Variants in RIMS3 observed in about 807,000 individuals in gnomAD.
The protein encoded by RIMS3 is regulating synaptic membrane exocytosis 3.
In RIMS3, 15 loss-of-function variants were observed where a neutral mutation model predicts 29.2. The observed-to-expected ratio is 0.51, with a 90% CI of 0.34 to 0.79. The LOEUF is 0.79. Ranked by LOEUF, RIMS3 falls within the 30% of genes least tolerant of loss-of-function variation. The pLI is 0.01. For synonymous variants in RIMS3, 161 were observed against 170.1 expected (o/e 0.95, Z 0.41); for missense variants, 342 against 421.4 (o/e 0.81, Z 1.65).
chr1:40,685,370 T>C, the RIMS3 span, among the ~76,000 whole-genome samples: 1 of 91,288 alleles, frequency 1.1e-5, no homozygotes, highest in African/African-American at 5.1e-5. Flanking sequence ...ATATAATATA[T>C]ATTAATATAT....
rs749651650 is a variant in RIMS3, at chr1:40,635,948, A to G, written c.327T>C (p.Asp109=). The G allele has an allele frequency of 1.8e-5, 29 of 1,612,646 alleles. No individual in the cohort carries two copies. In the African/African-American group the frequency reaches 3.6e-4, roughly 20 times the overall value. ...CGGAGCTGTTGCTGTTGGTGCTCCC[A>G]TCGGTGGACTCCCGGCTGCCCTGGC... ...VTRQGSREST[D]GSTNSNSSDG... is the part of the protein sequence containing the mutation. Residue 109 remains aspartate, a synonymous_variant, in exon 4 of 8, where the codon GAT becomes GAC. Coordinates refer to ENST00000372684, the MANE Select transcript of RIMS3 (RefSeq NM_014747.3). The surrounding 1 kb of genome is among the most constrained non-coding windows in gnomAD (Gnocchi z 4.1).
intron 2 of RIMS3, among the ~76,000 whole-genome samples, chr1:40,642,943 G>A (rs1431545965): frequency 3.4e-5 from 4 of 118,136 alleles, no homozygotes; most frequent in Non-Finnish European, 7.1e-5. Flanking sequence ...GTGACAGACC[G>A]AGACTCTGTC....
Position 40,644,984 on chromosome 1 carries a change from G to GT in RIMS3, c.-32+2683dup, listed in dbSNP as rs554021451. The stretch of plus-strand genomic sequence containing the variant: ...CCAGACAGCTGAGAATGGTCACCTG[G>GT]TCAGCATGGCTCCTGCCAGCCTGGC... On this transcript the variant is annotated intron_variant, in intron 2 of 7. Transcript: ENST00000372684. Among the ~76,000 whole-genome samples the GT allele has an allele frequency of 3.0e-3, 463 of 152,356 alleles. 2 individuals carry two copies. Among genetic ancestry groups the GT allele is most frequent in the Non-Finnish European group, 4.8e-3 (327 of 68,038 alleles).
chr1:40,652,340 A>C (rs1642180142), intron 1 of RIMS3, among the ~76,000 whole-genome samples: 1 of 152,230 alleles, frequency 6.6e-6, no homozygotes, highest in South Asian at 2.1e-4. Context: ...GTGGAGCCTG[A>C]GACTCTGCAT....
At chr1:40,664,780 T>G (rs1642400761) in intron 1 of RIMS3, among the ~76,000 whole-genome samples, 1 of 152,074 alleles carries the variant, frequency 6.6e-6, no homozygotes, top group Non-Finnish European at 1.5e-5. Flanking sequence ...AGCTCCTCCC[T>G]ATGAATGAGA....
chr1:40,674,378 G>C, the RIMS3 span, among the ~76,000 whole-genome samples: 1 of 152,128 alleles, frequency 6.6e-6, no homozygotes, highest in Non-Finnish European at 1.5e-5. Context: ...AACCCTGCTG[G>C]GGCCACGCTT....
intron 1 of RIMS3, among the ~76,000 whole-genome samples, chr1:40,661,155 C>G (rs532320327): frequency 6.6e-6 from 1 of 152,282 alleles, no homozygotes; most frequent in South Asian, 2.1e-4. Context: ...GATAGCTGTG[C>G]GACTTTGGCT....
intron 1 of RIMS3, among the ~76,000 whole-genome samples, chr1:40,648,981 G>A (rs1222113942): frequency 6.6e-6 from 1 of 152,244 alleles, no homozygotes; most frequent in Non-Finnish European, 1.5e-5. Flanking sequence ...ACAGAAGGGG[G>A]AAAGGGGCTC....
chr1:40,637,497 T>TAC (rs542278640), intron 3 of RIMS3, among the ~76,000 whole-genome samples: 12 of 151,634 alleles, frequency 7.9e-5, no homozygotes, highest in African/African-American at 2.4e-4. Flanking sequence ...GTCTCTCTCA[T>TAC]ACACACACAC....
chr1:40,670,574 T>TTATATATATATA (rs553412097), upstream of RIMS3, among the ~76,000 whole-genome samples: 3,784 of 70,816 alleles, frequency 0.053, 295 homozygotes, highest in African/African-American at 0.076. Flanking sequence ...AGTTATAATT[T>TTATATATATATA]TATATATATA....
chr1:40,629,933 A>G (rs1646478602), intron 5 of RIMS3, among the ~76,000 whole-genome samples: 1 of 151,982 alleles, frequency 6.6e-6, no homozygotes, highest in African/African-American at 2.4e-5. Flanking sequence ...AAAATTAGCC[A>G]GGCATGGTGG....
chr1:40,685,342 TTATA>T, the RIMS3 span, among the ~76,000 whole-genome samples: 846 of 106,666 alleles, frequency 7.9e-3, 15 homozygotes, highest in African/African-American at 0.029. Flanking sequence ...TATAATTATA[TTATA>T]TATATATTAT....
chr1:40,628,027 C>T (rs1646465961), intron 7 of RIMS3, among the ~76,000 whole-genome samples: 2 of 152,218 alleles, frequency 1.3e-5, no homozygotes, highest in Non-Finnish European at 2.9e-5. Flanking sequence ...TTCTCTCTCA[C>T]CTCCATGGCC....
the RIMS3 span, among the ~76,000 whole-genome samples, chr1:40,682,534 G>A: frequency 6.9e-4 from 105 of 152,040 alleles, no homozygotes; most frequent in African/African-American, 2.3e-3. Flanking sequence ...GTGACCAAGA[G>A]GATTAAGAGA....
At chr1:40,657,392 A>C (rs1457655164) in intron 1 of RIMS3, among the ~76,000 whole-genome samples, 1 of 152,114 alleles carries the variant, frequency 6.6e-6, no homozygotes, top group Non-Finnish European at 1.5e-5. Flanking sequence ...AGATTAAGAG[A>C]GGTGAAGAGC....
Position 40,626,381 on chromosome 1 carries a change from TG to T in RIMS3, c.*135del. ...ACACACTACAGTCTCCACTGCCAGC[TG>T]GGATGAGCCCAGTAGCCAACAGGCA... On this transcript the variant is annotated 3_prime_UTR_variant, in exon 8 of 8. Coordinates refer to ENST00000372684, the MANE Select transcript of RIMS3 (RefSeq NM_014747.3). 2.5e-6 allele frequency: 2 copies of T among 802,842 alleles called. No individual in the cohort carries two copies. Among genetic ancestry groups the T allele is most frequent in the Non-Finnish European group, 4.2e-6 (2 of 479,546 alleles). The allele number at this position is 802,842 out of a possible 1,614,324, so 49.7% of individuals were successfully genotyped here.
At chr1:40,638,143 T>A (rs561027850) in intron 3 of RIMS3, among the ~76,000 whole-genome samples, 1 of 152,188 alleles carries the variant, frequency 6.6e-6, no homozygotes, top group East Asian at 1.9e-4. Flanking sequence ...TCCCCCAAAT[T>A]TCACAGATGG....
At chr1:40,667,292 G>C (rs779871569), upstream of RIMS3, among the ~76,000 whole-genome samples, 5 of 152,088 alleles carry the variant, frequency 3.3e-5, no homozygotes, top group Non-Finnish European at 7.4e-5. Flanking sequence ...CCTAGGCCTG[G>C]ACTAGGGCCT....
In RIMS3 at chr1:40,635,778, T is replaced by C. The variant is rs1646515099; in HGVS notation, c.359+138A>G. 2 of 1,112,542 alleles carry C rather than the reference T, an allele frequency of 1.8e-6. No homozygotes were observed. Among genetic ancestry groups the C allele is most frequent in the Admixed American group, 2.0e-5 (1 of 50,098 alleles). The allele number at this position is 1,112,542 out of a possible 1,614,324, so 68.9% of individuals were successfully genotyped here. On this transcript the variant is annotated intron_variant, in intron 4 of 7. Transcript: ENST00000372684. This position sits in a 1 kb window ranked among gnomAD's most constrained non-coding sequence, Gnocchi z 4.1. ...GCACAGAGTGTTGAGGGGAGGGGTA[T>C]GAAGGAAGGCAGAGACACAGAGGAC...
Sources: allele counts gnomAD v4.1 joint callset (sites outside exome capture counted in the v4.1 genomes callset), GRCh38; gene constraint gnomAD v4.1.1; non-coding constraint Gnocchi (gnomAD v3.1); transcripts MANE v1.5; gene names NCBI Gene and HGNC (gene_info 2026-07-23, HGNC 2026-07-21).